The following CREB5 variants were observed in gnomAD, a reference collection of about 807,000 sequenced individuals.
CREB5 encodes cAMP responsive element binding protein 5.
CREB5 carries 19 observed loss-of-function variants against 57.1 expected under a neutral mutation model. The ratio of observed to expected loss-of-function variants is 0.33; its 90% CI spans 0.23 to 0.49. The LOEUF (loss-of-function observed/expected upper bound fraction) is 0.49, where lower values mean the gene tolerates loss of function less well. CREB5 is among the 20% of genes least tolerant of loss of function. The probability of loss-of-function intolerance (pLI) is 0.99; values close to 1 mark genes in which losing one functional copy is unlikely to be tolerated. For missense variants in CREB5, 579 were observed against 671.6 expected, an observed-to-expected ratio of 0.86 and a Z score of 1.52; for synonymous variants, 238 against 238.3, an observed-to-expected ratio of 1.00 and a Z score of 0.01.
At chr7:28,752,318 TACC>T (rs1805029463) in intron 7 of CREB5, among the ~76,000 whole-genome samples, 2 of 152,220 alleles carry the variant, frequency 1.3e-5, no homozygotes, top group African/African-American at 4.8e-5. Flanking sequence ...AGGTGTCCGC[TACC>T]ACACCTAGCT....
At chr7:28,788,483 C>A (rs1391382144) in intron 7 of CREB5, among the ~76,000 whole-genome samples, 2 of 152,222 alleles carry the variant, frequency 1.3e-5, no homozygotes, top group Non-Finnish European at 2.9e-5. Flanking sequence ...AAAATCTCAA[C>A]AGAAACAATC....
intron 1 of CREB5, among the ~76,000 whole-genome samples, chr7:28,480,822 A>G (rs1791292864): frequency 6.6e-6 from 1 of 152,224 alleles, no homozygotes; most frequent in Admixed American, 6.5e-5. Context: ...TGCACCTCTC[A>G]TGCTTCACAC....
intron 4 of CREB5, among the ~76,000 whole-genome samples, chr7:28,565,807 G>A (rs1391453089): frequency 6.6e-6 from 1 of 152,090 alleles, no homozygotes; most frequent in Non-Finnish European, 1.5e-5. Context: ...TGTAGTCCCA[G>A]CTACTCAGGG....
intron 5 of CREB5, among the ~76,000 whole-genome samples, chr7:28,589,993 C>T (rs1363793073): frequency 6.6e-6 from 1 of 152,184 alleles, no homozygotes; most frequent in Non-Finnish European, 1.5e-5. Context: ...TCAGCTTTGT[C>T]ATCATAAAAC....
intron 1 of CREB5, among the ~76,000 whole-genome samples, chr7:28,358,679 A>C (rs753716134): frequency 1.3e-5 from 2 of 151,988 alleles, no homozygotes; most frequent in African/African-American, 4.8e-5. Flanking sequence ...CTGATCTCTT[A>C]CTCCAAGCTG....
At chr7:28,591,362 A>C (rs1254208455) in intron 5 of CREB5, among the ~76,000 whole-genome samples, 1 of 152,146 alleles carries the variant, frequency 6.6e-6, no homozygotes, top group Non-Finnish European at 1.5e-5. Context: ...AATCAGCCAC[A>C]GGTTCAATTG....
In CREB5 at chr7:28,706,356, CA is replaced by C. The variant is rs375468462; in HGVS notation, c.465-12384del. Among the ~76,000 whole-genome samples, 479 of 140,998 alleles carry C rather than the reference CA, an allele frequency of 3.4e-3. 2 individuals carry two copies. Among genetic ancestry groups the C allele is most frequent in the East Asian group, 7.6e-3 (37 of 4,872 alleles). 92.5% of individuals were successfully genotyped at this position (140,998 alleles called of 152,430 possible). On this transcript the variant is annotated intron_variant, in intron 5 of 10. Coordinates refer to ENST00000357727, the MANE Select transcript of CREB5 (RefSeq NM_182898.4). ...GGGCAACAAGAGTAAAACTCCATCTCAAAAAAAAAAAAATCTTTCTAGCACT... is the reference window on the plus strand; with the variant it reads ...GGGCAACAAGAGTAAAACTCCATCTCAAAAAAAAAAAATCTTTCTAGCACT...
At chr7:28,666,777 G>T (rs937277253) in intron 5 of CREB5, among the ~76,000 whole-genome samples, 1 of 151,614 alleles carries the variant, frequency 6.6e-6, no homozygotes, top group Non-Finnish European at 1.5e-5. Flanking sequence ...AGACCAACCT[G>T]GGAAAATAAA....
chr7:28,690,289 C>A lies in CREB5; in HGVS notation c.465-28464C>A, dbSNP rs1288941970. 6.6e-5 allele frequency among the ~76,000 whole-genome samples: 10 copies of A among 152,334 alleles called. No homozygotes were observed. In the South Asian group the frequency reaches 1.2e-3, roughly 19 times the overall value. ...GCTAAGCAACAGAAGAGGCATCAAT[C>A]TCTTCCCTCTGCCCACCAGACACAG... On this transcript the variant is annotated intron_variant, in intron 5 of 10. Coordinates refer to ENST00000357727, the MANE Select transcript of CREB5 (RefSeq NM_182898.4).
rs146980964 is a variant in CREB5 at position 28,804,657 on chromosome 7, A to G, written c.1026+135A>G. On this transcript the variant is annotated intron_variant, in intron 8 of 10. Transcript: ENST00000357727. ...ATCTCACATTCTAGGGGCTCTGTTT[A>G]TCTCCTAGGAGGCAAGCCTTACCCA... The G allele has an allele frequency of 6.8e-4, 760 of 1,122,318 alleles. 1 individual carries two copies. The highest frequency in any genetic ancestry group is 4.5e-3 in the Middle Eastern group (22 of 4,854). 69.5% of individuals were successfully genotyped at this position (1,122,318 alleles called of 1,614,324 possible).
intron 1 of CREB5, among the ~76,000 whole-genome samples, chr7:28,387,351 T>A (rs1441105656): frequency 3.9e-5 from 6 of 152,192 alleles, no homozygotes. Context: ...TTTTTTCATG[T>A]GTTTGTTGGT....
At chr7:28,646,243 T>C (rs928505320) in intron 5 of CREB5, among the ~76,000 whole-genome samples, 5 of 152,170 alleles carry the variant, frequency 3.3e-5, no homozygotes, top group African/African-American at 1.2e-4. Context: ...TAAAATTTCC[T>C]CTTCAGTGAG....
chr7:28,580,426 CCA>C (rs1796073919), intron 5 of CREB5, among the ~76,000 whole-genome samples: 3 of 111,864 alleles, frequency 2.7e-5, no homozygotes, highest in Non-Finnish European at 5.5e-5. Flanking sequence ...CAATCCCCCC[CCA>C]CCACACACAC....
In CREB5 at chr7:28,812,213, T is replaced by A. The variant is rs150021814; in HGVS notation, c.1254+2799T>A. Among the ~76,000 whole-genome samples the A allele has an allele frequency of 5.7e-3, 875 of 152,336 alleles. 7 individuals are homozygous for A. The highest frequency in any genetic ancestry group is 0.01 in the Middle Eastern group (3 of 294). ...AAATAGCCAGCTGGCACATATCAGC[T>A]GCCAAGGCTTTAAATCAGTTTTAAC... On this transcript the variant is annotated intron_variant, in intron 9 of 10. Coordinates refer to ENST00000357727, the MANE Select transcript of CREB5 (RefSeq NM_182898.4).
chr7:28,764,218 C>A (rs1259045051), intron 7 of CREB5, among the ~76,000 whole-genome samples: 1 of 151,874 alleles, frequency 6.6e-6, no homozygotes, highest in Non-Finnish European at 1.5e-5. Flanking sequence ...CTGAATACAC[C>A]CCTAGGTTCT....
At chr7:28,547,095 G>A (rs1794451480) in intron 4 of CREB5, among the ~76,000 whole-genome samples, 2 of 152,232 alleles carry the variant, frequency 1.3e-5, no homozygotes. Context: ...GGGCTTCCAT[G>A]TGTATTCTTG....
chr7:28,686,074 C>T (rs570449379), intron 5 of CREB5: 19 of 1,540,038 alleles, frequency 1.2e-5, no homozygotes, highest in Non-Finnish European at 1.6e-5. Context: ...GGCCTGGAAT[C>T]AAATGGGAAG....
chr7:28,619,705 A>C (rs1323949811), intron 5 of CREB5, among the ~76,000 whole-genome samples: 1 of 152,190 alleles, frequency 6.6e-6, no homozygotes, highest in Non-Finnish European at 1.5e-5. Context: ...ATCATTCATG[A>C]AATAAAATAA....
At chr7:28,477,817 C>A (rs551500640) in intron 1 of CREB5, among the ~76,000 whole-genome samples, 1 of 152,220 alleles carries the variant, frequency 6.6e-6, no homozygotes, top group Non-Finnish European at 1.5e-5. Context: ...AGGAATCCCC[C>A]AAAACACAGC....
Sources: gnomAD v4.1 joint callset for allele counts (sites outside exome capture counted in the v4.1 genomes callset) on GRCh38, gnomAD v4.1.1 for gene constraint, MANE v1.5 for transcripts, NCBI Gene and HGNC (gene_info 2026-07-23, HGNC 2026-07-21) for gene names.